Variants in USH2A observed in about 807,000 individuals in gnomAD.
The protein encoded by USH2A is usherin.
USH2A carries 443 observed loss-of-function variants against 538.9 expected under a neutral mutation model. That is an observed-to-expected ratio of 0.82 (90% confidence interval 0.76 to 0.89). USH2A has a LOEUF of 0.89. Ranked by LOEUF, USH2A falls within the 40% of genes least tolerant of loss-of-function variation. The pLI, the probability that USH2A is intolerant of heterozygous loss-of-function variation, is 0.00. For synonymous variants in USH2A, 2,413 were observed against 2,273.5 expected, an observed-to-expected ratio of 1.06 and a Z score of -1.75; for missense variants, 6,633 against 6,324.8, an observed-to-expected ratio of 1.05 and a Z score of -1.65.
At chr1:216,228,144 T>C (rs2035596592) in intron 14 of USH2A, among the ~76,000 whole-genome samples, 1 of 152,096 alleles carries the variant, frequency 6.6e-6, no homozygotes, top group Non-Finnish European at 1.5e-5. Flanking sequence ...AGATGTGATA[T>C]ATCCATAGAA....
At chr1:216,386,488 AAAAC>A (rs71161420) in intron 3 of USH2A, among the ~76,000 whole-genome samples, 81,576 of 134,464 alleles carry the variant, frequency 0.61, 25,193 homozygotes, top group East Asian at 0.79. Flanking sequence ...TCGTCTCAAA[AAAAC>A]AAACAAACAA....
intron 61 of USH2A, among the ~76,000 whole-genome samples, chr1:215,680,989 T>C (rs940324147): frequency 6.6e-6 from 1 of 152,258 alleles, no homozygotes; most frequent in African/African-American, 2.4e-5. Flanking sequence ...ATTATTAATA[T>C]AGATATAAAA....
chr1:215,940,042 A>G (rs1015513544), intron 37 of USH2A, among the ~76,000 whole-genome samples: 1 of 152,174 alleles, frequency 6.6e-6, no homozygotes, highest in African/African-American at 2.4e-5. Flanking sequence ...ACATGAATCC[A>G]TTCTCATGAC....
chr1:215,906,040 T>C (rs1665632103), intron 38 of USH2A, among the ~76,000 whole-genome samples: 1 of 152,084 alleles, frequency 6.6e-6, no homozygotes, highest in Non-Finnish European at 1.5e-5. Flanking sequence ...ACACATATAT[T>C]GAGTCATTGA....
At chr1:215,881,450 A>T (rs1327442091) in intron 41 of USH2A, among the ~76,000 whole-genome samples, 1 of 152,198 alleles carries the variant, frequency 6.6e-6, no homozygotes, top group African/African-American at 2.4e-5. Context: ...CATGTCCAAG[A>T]ATTTTAAGGA....
chr1:216,065,612 T>C (rs2031331303), intron 30 of USH2A, among the ~76,000 whole-genome samples: 1 of 152,194 alleles, frequency 6.6e-6, no homozygotes, highest in Non-Finnish European at 1.5e-5. Flanking sequence ...AAATTAGCAA[T>C]GCAGCTGGGT....
intron 41 of USH2A, 25 bp downstream of exon 41, chr1:215,888,401 G>A (rs1558146080): frequency 1.2e-6 from 2 of 1,611,756 alleles, no homozygotes; most frequent in South Asian, 2.2e-5. Context: ...AGTCTGCAAA[G>A]GAGAGAGAAT....
intron 30 of USH2A, among the ~76,000 whole-genome samples, chr1:216,053,703 A>G (rs1351036844): frequency 3.9e-5 from 6 of 152,192 alleles, no homozygotes; most frequent in Admixed American, 3.9e-4. Context: ...TATCCGGATT[A>G]AAATCATTGG....
chr1:216,264,725 C>A (rs1351457215), intron 11 of USH2A, among the ~76,000 whole-genome samples: 1 of 152,042 alleles, frequency 6.6e-6, no homozygotes, highest in Non-Finnish European at 1.5e-5. Flanking sequence ...GACACAGAAA[C>A]CAATGGAACA....
At chr1:215,785,861 T>G (rs1034653487) in intron 52 of USH2A, among the ~76,000 whole-genome samples, 3 of 151,938 alleles carry the variant, frequency 2.0e-5, no homozygotes, top group Admixed American at 2.0e-4. Flanking sequence ...AATGTTTTGC[T>G]TGTTTATTAA....
chr1:216,236,259 T>G (rs549025590), intron 13 of USH2A, among the ~76,000 whole-genome samples: 1 of 152,240 alleles, frequency 6.6e-6, no homozygotes, highest in African/African-American at 2.4e-5. Flanking sequence ...GATTCCTATT[T>G]CCTTTTAAAA....
chr1:216,252,065 A>G (rs1265963072), intron 11 of USH2A, among the ~76,000 whole-genome samples: 1 of 152,246 alleles, frequency 6.6e-6, no homozygotes, highest in Non-Finnish European at 1.5e-5. Context: ...AGCATTTTAA[A>G]GCAAAATAAC....
chr1:216,071,341 A>G (rs1044954308), intron 29 of USH2A, among the ~76,000 whole-genome samples: 11 of 152,206 alleles, frequency 7.2e-5, no homozygotes, highest in African/African-American at 2.7e-4. Context: ...AAAACACTAC[A>G]GACACCTATA....
intron 37 of USH2A, among the ~76,000 whole-genome samples, chr1:215,962,215 A>G (rs953078828): frequency 1.3e-5 from 2 of 152,052 alleles, no homozygotes; most frequent in South Asian, 2.1e-4. Context: ...TTCTGAGAAT[A>G]TAAATTATAT....
chr1:216,377,220 T>C (rs1191204548), intron 3 of USH2A, among the ~76,000 whole-genome samples: 1 of 152,176 alleles, frequency 6.6e-6, no homozygotes, highest in East Asian at 1.9e-4. Flanking sequence ...AATTCTAGAA[T>C]TGAGAATAAT....
At chr1:215,830,465 C>T (rs558883667) in intron 47 of USH2A, among the ~76,000 whole-genome samples, 68 of 151,630 alleles carry the variant, frequency 4.5e-4, no homozygotes, top group Non-Finnish European at 8.2e-4. Flanking sequence ...TTTTTTTTCT[C>T]GAATTCCTCT....
In USH2A at chr1:216,246,954, G is replaced by A. The variant is rs1433783445; in HGVS notation, c.2440C>T (p.Gln814Ter). 6.2e-7 allele frequency: 1 copy of A among 1,614,046 alleles called. No individual in the cohort carries two copies. Among genetic ancestry groups the A allele is most frequent in the Non-Finnish European group, 8.5e-7 (1 of 1,179,964 alleles). The change falls in exon 13 of 72, where the codon CAG (glutamine) becomes TAG (stop). Residue 814 changes from glutamine (Q) to a stop codon, truncating the protein, a stop_gained. Coordinates refer to ENST00000307340, the MANE Select transcript of USH2A (RefSeq NM_206933.4). LOFTEE classifies it high-confidence loss of function. ...TCAACATTGGGCTTGCAGATGCACTGCCCTGTCTTAGCATTACAGACAGTC... is the reference window on the plus strand; with the variant it reads ...TCAACATTGGGCTTGCAGATGCACTACCCTGTCTTAGCATTACAGACAGTC... ...PGTVCNAKTGQCICKPNVEGR... is the reference protein window; with the variant it reads ...PGTVCNAKTG
chr1:215,696,476 T>A (rs1013181866), intron 61 of USH2A, among the ~76,000 whole-genome samples: 6 of 152,178 alleles, frequency 3.9e-5, no homozygotes, highest in African/African-American at 1.4e-4. Context: ...TTCTCTCTCT[T>A]TTCCCTTTCT....
intron 47 of USH2A, among the ~76,000 whole-genome samples, chr1:215,835,077 T>G (rs1020984888): frequency 3.3e-5 from 5 of 151,358 alleles, no homozygotes; most frequent in Non-Finnish European, 7.4e-5. Flanking sequence ...GCTATAATTT[T>G]TTTTCCTCAC....
Sources: allele counts gnomAD v4.1 joint callset (sites outside exome capture counted in the v4.1 genomes callset), GRCh38; gene constraint gnomAD v4.1.1; transcripts MANE v1.5; gene names NCBI Gene and HGNC (gene_info 2026-07-23, HGNC 2026-07-21).